Variants in SLC12A7 observed in about 807,000 individuals in gnomAD.
SLC12A7 encodes K-Cl cotransporter 4.
A neutral mutation model predicts 120.6 loss-of-function variants in SLC12A7; 100 were observed. The observed-to-expected ratio is 0.83, with a 90% CI of 0.71 to 0.98. SLC12A7 has a LOEUF of 0.98. Ranked by LOEUF, SLC12A7 falls within the 50% of genes least tolerant of loss-of-function variation. The pLI, the probability that SLC12A7 is intolerant of heterozygous loss-of-function variation, is 0.00. For synonymous variants in SLC12A7, 760 were observed against 678.0 expected, an observed-to-expected ratio of 1.12 and a Z score of -1.88; for missense variants, 1,373 against 1,548.1, an observed-to-expected ratio of 0.89 and a Z score of 1.90.
chr5:1,141,148 G>A, the SLC12A7 span, among the ~76,000 whole-genome samples: 3 of 152,176 alleles, frequency 2.0e-5, no homozygotes, highest in African/African-American at 7.2e-5. Flanking sequence ...CACCGGTTCC[G>A]GCCTCTTCTT....
chr5:1,127,587 T>A, the SLC12A7 span, among the ~76,000 whole-genome samples: 1 of 152,236 alleles, frequency 6.6e-6, no homozygotes, highest in Non-Finnish European at 1.5e-5. Context: ...CCGAGGAAAC[T>A]GATGGATATA....
intron 3 of SLC12A7, among the ~76,000 whole-genome samples, chr5:1,090,012 A>G (rs1315295374): frequency 3.3e-5 from 5 of 152,236 alleles, no homozygotes; most frequent in Non-Finnish European, 7.3e-5. Context: ...CAATACGGAA[A>G]AGGGGGAAGG....
At chr5:1,108,021 CACACACAT>C (rs888209889) in intron 1 of SLC12A7, among the ~76,000 whole-genome samples, 4 of 128,230 alleles carry the variant, frequency 3.1e-5, no homozygotes, top group African/African-American at 1.3e-4. Context: ...AGCATACAAA[CACACACAT>C]ACACACACAC....
At chr5:1,128,031 G>A in the SLC12A7 span, among the ~76,000 whole-genome samples, 2 of 152,202 alleles carry the variant, frequency 1.3e-5, no homozygotes, top group Admixed American at 1.3e-4. Flanking sequence ...GTGATCTCTG[G>A]TTATTCCAGA....
chr5:1,136,641 G>A, the SLC12A7 span, among the ~76,000 whole-genome samples: 3 of 108,490 alleles, frequency 2.8e-5, no homozygotes, highest in African/African-American at 4.6e-5. Flanking sequence ...ACCAGGACAC[G>A]CAGGCACACA....
At position 1,075,299 on chromosome 5, in the gene SLC12A7, G is replaced by T. The variant is rs1057155056; in HGVS notation, c.1967+72C>A. 68 of 1,559,466 alleles carry T rather than the reference G, an allele frequency of 4.4e-5. No individual in the cohort carries two copies. In the African/African-American group the frequency reaches 8.7e-4, roughly 20 times the overall value. On this transcript the variant is annotated intron_variant, in intron 15 of 23. Transcript: ENST00000264930. ...CCCAGGGAGGCCCCTCCAGGGAGCTGCCCCAGGCATAGCATGAGAGGGGCC... is the reference window on the plus strand; with the variant it reads ...CCCAGGGAGGCCCCTCCAGGGAGCTTCCCCAGGCATAGCATGAGAGGGGCC...
chr5:1,094,885 C>T (rs1740933927), intron 1 of SLC12A7, among the ~76,000 whole-genome samples: 1 of 152,086 alleles, frequency 6.6e-6, no homozygotes, highest in Non-Finnish European at 1.5e-5. Flanking sequence ...GGCTTCGAAC[C>T]AGGGGGTAAT....
chr5:1,083,864 G>A lies in SLC12A7; in HGVS notation c.1010C>T (p.Ala337Val), dbSNP rs761109546. ...YGIHNNSATS[A>V]LWGLFCNGSQ... ...GCCGTTGCAGAAGAGGCCCCAGAGC[G>A]CGGAGGTGGCTGAGTTGTTGTGGAT... The change falls in exon 8 of 24, where the codon GCG becomes GTG. Residue 337 changes from alanine to valine, a missense_variant. Transcript: ENST00000264930. 8.1e-6 allele frequency: 13 copies of A among 1,608,020 alleles called. No homozygotes were observed. Among genetic ancestry groups the A allele is most frequent in the Admixed American group, 5.0e-5 (3 of 59,724 alleles).
chr5:1,153,450 G>C, the SLC12A7 span, among the ~76,000 whole-genome samples: 1 of 152,234 alleles, frequency 6.6e-6, no homozygotes, highest in Non-Finnish European at 1.5e-5. Flanking sequence ...CTCTGGGGGG[G>C]TCCATGGGCC....
chr5:1,082,219 C>CCCG (rs1372247676), intron 8 of SLC12A7, among the ~76,000 whole-genome samples: 2 of 146,592 alleles, frequency 1.4e-5, no homozygotes, highest in African/African-American at 2.6e-5. Context: ...TCCGGGCTTC[C>CCCG]TCTCTAGGGT....
At chr5:1,080,723 C>T (rs1028249939) in intron 9 of SLC12A7, among the ~76,000 whole-genome samples, 3 of 152,196 alleles carry the variant, frequency 2.0e-5, no homozygotes, top group African/African-American at 4.8e-5. Context: ...CACCCACCGC[C>T]GGAACAAGGC....
At chr5:1,118,285 C>G in the SLC12A7 span, among the ~76,000 whole-genome samples, 11 of 152,358 alleles carry the variant, frequency 7.2e-5, no homozygotes, top group East Asian at 2.1e-3. Flanking sequence ...CTGTCTTGAT[C>G]CATCAGCTCT....
At chr5:1,087,078 ACTCGGACCCGAGGTGCGGT>A (rs1231635176) in intron 5 of SLC12A7, 45 bp from the exon 6 acceptor site, 6 of 1,570,060 alleles carry the variant, frequency 3.8e-6, no homozygotes, top group Non-Finnish European at 5.2e-6. Context: ...GCGCACTTGG[ACTCGGACCCGAGGTGCGGT>A]CTGCGCTGCC....
chr5:1,056,910 G>C (rs1418125378), intron 22 of SLC12A7, among the ~76,000 whole-genome samples: 2 of 152,218 alleles, frequency 1.3e-5, no homozygotes, highest in Non-Finnish European at 2.9e-5. Flanking sequence ...AGGCCCTAAG[G>C]CCCGACAGCA....
chr5:1,057,774 C>T (rs1229930817), intron 21 of SLC12A7, 125 bp from the exon 22 acceptor site: 34 of 942,530 alleles, frequency 3.6e-5, no homozygotes, highest in South Asian at 8.3e-5. Flanking sequence ...GTGCCTGACC[C>T]GGGACCCAGC....
chr5:1,108,943 G>A lies in SLC12A7; in HGVS notation c.124+2925C>T, dbSNP rs372329670. On this transcript the variant is annotated intron_variant, in intron 1 of 23. Transcript: ENST00000264930. ...CCCCTGGACAACCGACACGAGCTCA[G>A]CCACAGTGGAAAATCTCAGAAACGG... Among the ~76,000 whole-genome samples the A allele has an allele frequency of 2.6e-5, 4 of 152,176 alleles. No homozygotes were observed. The East Asian group carries it at 7.7e-4, about 29-fold the overall frequency.
chr5:1,144,836 G>A, the SLC12A7 span, among the ~76,000 whole-genome samples: 2 of 152,282 alleles, frequency 1.3e-5, no homozygotes, highest in Admixed American at 6.5e-5. Context: ...CTGCCATCCC[G>A]GCTGCGCATG....
At chr5:1,057,076 C>T (rs1443507723) in intron 22 of SLC12A7, 1 of 176,562 alleles carries the variant, frequency 5.7e-6, no homozygotes, top group Non-Finnish European at 1.2e-5. Flanking sequence ...GGCCCAGGTA[C>T]CAGGAGGACT....
chr5:1,127,782 C>G, the SLC12A7 span, among the ~76,000 whole-genome samples: 1 of 152,250 alleles, frequency 6.6e-6, no homozygotes, highest in Non-Finnish European at 1.5e-5. Flanking sequence ...CACAGACTCA[C>G]TGGTAAACTT....
Sources: allele counts gnomAD v4.1 joint callset (sites outside exome capture counted in the v4.1 genomes callset), GRCh38; gene constraint gnomAD v4.1.1; transcripts MANE v1.5; gene names NCBI Gene and HGNC (gene_info 2026-07-23, HGNC 2026-07-21).